Variants in PDE1C observed in about 807,000 individuals in gnomAD.
PDE1C encodes dual specificity calcium/calmodulin-dependent 3',5'-cyclic nucleotide phosphodiesterase 1C.
Under a neutral mutation model 93.1 loss-of-function variants are expected in PDE1C, and 62 were observed. The ratio of observed to expected loss-of-function variants is 0.67; its 90% CI spans 0.54 to 0.82. The LOEUF is 0.82. Ranked by LOEUF, PDE1C falls within the 40% of genes least tolerant of loss-of-function variation. The pLI is 0.00. For synonymous variants in PDE1C, 325 were observed against 310.1 expected (o/e 1.05, Z -0.50); for missense variants, 742 against 884.6 (o/e 0.84, Z 2.04).
At chr7:32,070,416 G>A (rs1459152764), upstream of PDE1C, 2 of 1,613,880 alleles carry the variant, frequency 1.2e-6, no homozygotes, top group South Asian at 2.2e-5. Context: ...GTGACCACTG[G>A]CGGTGAAGCT....
chr7:32,382,031 T>C (rs1371503091), intron 1 of PDE1C, among the ~76,000 whole-genome samples: 3 of 152,198 alleles, frequency 2.0e-5, no homozygotes, highest in Non-Finnish European at 2.9e-5. Context: ...GCAAGTGATA[T>C]GATTATCATT....
the PDE1C span, among the ~76,000 whole-genome samples, chr7:31,735,955 C>T: frequency 2.6e-5 from 4 of 152,208 alleles, no homozygotes; most frequent in Non-Finnish European, 1.5e-5. Context: ...ATATATGTTA[C>T]ATCATCTCTA....
chr7:31,817,179 G>A (rs1253296256), intron 14 of PDE1C, among the ~76,000 whole-genome samples: 1 of 152,124 alleles, frequency 6.6e-6, no homozygotes, highest in African/African-American at 2.4e-5. Flanking sequence ...CAGCATAGGG[G>A]AGGGAAATTG....
At chr7:31,623,491 C>T in the PDE1C span, among the ~76,000 whole-genome samples, 2 of 150,802 alleles carry the variant, frequency 1.3e-5, no homozygotes, top group African/African-American at 4.9e-5. Context: ...TAAACAGAAC[C>T]AAAGACAAAA....
chr7:32,281,559 G>A (rs138417716), intron 1 of PDE1C, among the ~76,000 whole-genome samples: 5 of 152,152 alleles, frequency 3.3e-5, no homozygotes, highest in South Asian at 2.1e-4. Context: ...CACTCTGGGC[G>A]ACAGAGTGAG....
At chr7:31,846,491 A>G (rs1015017895) in intron 9 of PDE1C, among the ~76,000 whole-genome samples, 18 of 152,134 alleles carry the variant, frequency 1.2e-4, no homozygotes, top group African/African-American at 4.3e-4. Context: ...AAGATGGATT[A>G]AAGACTTAAA....
At chr7:31,834,010 T>C (rs538227173) in intron 11 of PDE1C, among the ~76,000 whole-genome samples, 1 of 152,328 alleles carries the variant, frequency 6.6e-6, no homozygotes, top group East Asian at 1.9e-4. Context: ...GTGCCCTGCA[T>C]CCCAGATGCT....
chr7:31,926,731 G>A (rs111298758), intron 2 of PDE1C, among the ~76,000 whole-genome samples: 9 of 152,296 alleles, frequency 5.9e-5, no homozygotes, highest in African/African-American at 2.2e-4. Flanking sequence ...GCTAGGGACT[G>A]TGCTGTGAGG....
chr7:32,425,715 G>A (rs1047963822), intron 1 of PDE1C, among the ~76,000 whole-genome samples: 2 of 152,172 alleles, frequency 1.3e-5, no homozygotes, highest in Non-Finnish European at 1.5e-5. Flanking sequence ...ACCAACATGG[G>A]TGGATTGCTT....
chr7:32,385,717 T>C (rs1230385348), intron 1 of PDE1C, among the ~76,000 whole-genome samples: 1 of 152,114 alleles, frequency 6.6e-6, no homozygotes, highest in Non-Finnish European at 1.5e-5. Flanking sequence ...ATTATAGTCA[T>C]GTGTGGTACC....
chr7:32,347,888 C>T (rs559806980), intron 1 of PDE1C, among the ~76,000 whole-genome samples: 1 of 152,342 alleles, frequency 6.6e-6, no homozygotes, highest in Non-Finnish European at 1.5e-5. Flanking sequence ...CCCGACTATG[C>T]TGTGCCAACC....
At chr7:31,909,833 G>A (rs1486043462) in intron 2 of PDE1C, among the ~76,000 whole-genome samples, 1 of 152,138 alleles carries the variant, frequency 6.6e-6, no homozygotes, top group Admixed American at 6.5e-5. Context: ...AACCCAGGCT[G>A]TCTGGCACTA....
rs1034697177 is a variant in PDE1C at position 31,752,990 on chromosome 7, A to G, written c.*394T>C. The stretch of plus-strand genomic sequence containing the variant: ...GTTTTTATCAGTGCATTTCTTAAAT[A>G]TGATGATTATTAAACCAATATTCTT... On this transcript the variant is annotated 3_prime_UTR_variant, in exon 18 of 18. Transcript: ENST00000396191. The G allele has an allele frequency of 1.3e-5, 2 of 153,566 alleles. No homozygotes were observed. The highest frequency in any genetic ancestry group is 2.1e-4 in the South Asian group (1 of 4,852). The allele number at this position is 153,566 out of a possible 1,614,324, so 9.5% of individuals were successfully genotyped here. A position where few individuals can be genotyped will look rare whatever the true frequency, so the allele number is the denominator to read the frequency against.
chr7:32,343,976 T>C (rs1783805345), intron 1 of PDE1C, among the ~76,000 whole-genome samples: 1 of 152,244 alleles, frequency 6.6e-6, no homozygotes, highest in African/African-American at 2.4e-5. Context: ...TGGAAATAAC[T>C]TCAGGAAAAT....
At chr7:32,321,278 C>G (rs765819490) in intron 1 of PDE1C, among the ~76,000 whole-genome samples, 1 of 152,154 alleles carries the variant, frequency 6.6e-6, no homozygotes. Context: ...CTTTGATTTA[C>G]AAAAACACAG....
intron 3 of PDE1C, among the ~76,000 whole-genome samples, chr7:32,120,270 G>A (rs544575442): frequency 6.6e-6 from 1 of 152,334 alleles, no homozygotes; most frequent in African/African-American, 2.4e-5. Context: ...GGGGAAGGGT[G>A]GCCGCAGTCT....
chr7:31,970,111 G>A (rs1482591171), intron 2 of PDE1C, among the ~76,000 whole-genome samples: 1 of 152,108 alleles, frequency 6.6e-6, no homozygotes, highest in East Asian at 1.9e-4. Context: ...CCTGCACGTT[G>A]TGCACATGTA....
At chr7:32,229,185 A>C (rs1807509271) in intron 1 of PDE1C, among the ~76,000 whole-genome samples, 1 of 152,154 alleles carries the variant, frequency 6.6e-6, no homozygotes, top group East Asian at 1.9e-4. Flanking sequence ...CTTTTTCCAC[A>C]TTATTTCTAT....
chr7:32,083,251 G>C (rs1203729169), intron 3 of PDE1C, among the ~76,000 whole-genome samples: 1 of 151,510 alleles, frequency 6.6e-6, no homozygotes, highest in Non-Finnish European at 1.5e-5. Flanking sequence ...AAGGGTATCA[G>C]TGATGGAAGA....
Sources: gnomAD v4.1 joint callset for allele counts (sites outside exome capture counted in the v4.1 genomes callset) on GRCh38, gnomAD v4.1.1 for gene constraint, MANE v1.5 for transcripts, NCBI Gene and HGNC (gene_info 2026-07-23, HGNC 2026-07-21) for gene names.